Variants in DYNLT5 observed in about 807,000 individuals in gnomAD.
DYNLT5 encodes dynein light chain Tctex-type 5.
Under a neutral mutation model 19.3 loss-of-function variants are expected in DYNLT5, and 25 were observed. The observed-to-expected ratio is 1.30, with a 90% CI of 0.95 to 1.81. DYNLT5 has a LOEUF of 1.81. Among genes scored for constraint, DYNLT5 ranks in the 40% most tolerant of loss-of-function variants. DYNLT5 has a pLI of 0.00. For synonymous variants in DYNLT5, 82 were observed against 68.9 expected (o/e 1.19, Z -0.94); for missense variants, 232 against 217.9 (o/e 1.06, Z -0.41).
chr1:66,773,844 T>C (rs1157775898), intron 3 of DYNLT5, among the ~76,000 whole-genome samples: 2 of 151,850 alleles, frequency 1.3e-5, no homozygotes, highest in Admixed American at 1.3e-4. Flanking sequence ...AAAAAAAAAA[T>C]CTCGAGAAAG....
chr1:66,767,575 T>TTGATTTATGATTTA (rs1553201945), intron 2 of DYNLT5, among the ~76,000 whole-genome samples: 1 of 152,222 alleles, frequency 6.6e-6, no homozygotes, highest in Non-Finnish European at 1.5e-5. Context: ...TTATGATTTA[T>TTGATTTATGATTTA]TGATTACTTG....
chr1:66,776,362 G>A lies in DYNLT5; in HGVS notation c.295G>A (p.Glu99Lys), dbSNP rs1212779078. The A allele has an allele frequency of 4.3e-6, 7 of 1,612,880 alleles. No homozygotes were observed. Among genetic ancestry groups the A allele is most frequent in the Non-Finnish European group, 8.5e-7 (1 of 1,179,430 alleles). The change falls in exon 4 of 5, where the codon GAA (glutamate) becomes AAA (lysine). Residue 99 changes from glutamate to lysine, a missense_variant. Physicochemically the swap from Glu to Lys is moderately conservative, Grantham distance 56. Transcript: ENST00000282670. ...CAGCTATCTACAAGTAGAAGAATAT[G>A]AACCAGAGCTCTGTAGACAGATGAC... The part of the protein sequence containing the change: ...VTSYLQVEEY[E>K]PELCRQMTKT...
chr1:66,775,467 C>A (rs1234198877), intron 3 of DYNLT5: 2 of 152,178 alleles, frequency 1.3e-5, no homozygotes, highest in Admixed American at 1.3e-4. Flanking sequence ...AAATTTAATT[C>A]TATTTAAATT....
At chr1:66,762,284 T>C (rs745921738) in intron 2 of DYNLT5, among the ~76,000 whole-genome samples, 1 of 152,222 alleles carries the variant, frequency 6.6e-6, no homozygotes, top group Admixed American at 6.5e-5. Context: ...ATCTCAAACA[T>C]TTAGTATTTC....
chr1:66,772,449 C>T (rs1049610665), intron 3 of DYNLT5, among the ~76,000 whole-genome samples: 1 of 152,204 alleles, frequency 6.6e-6, no homozygotes, highest in Non-Finnish European at 1.5e-5. Flanking sequence ...GAGGGATCCA[C>T]CTTCCTGGCC....
At chr1:66,774,666 A>G (rs779120756) in intron 3 of DYNLT5, among the ~76,000 whole-genome samples, 2 of 151,174 alleles carry the variant, frequency 1.3e-5, no homozygotes, top group Non-Finnish European at 2.9e-5. Context: ...GCCTGGTTAC[A>G]TTCTTCAACC....
At chr1:66,763,916 T>C (rs1437134074) in intron 2 of DYNLT5, among the ~76,000 whole-genome samples, 1 of 152,210 alleles carries the variant, frequency 6.6e-6, no homozygotes, top group Admixed American at 6.5e-5. Flanking sequence ...GCAGGTGCAG[T>C]GGCTCACACC....
chr1:66,753,298 T>G (rs943487389), intron 1 of DYNLT5, among the ~76,000 whole-genome samples: 1 of 152,260 alleles, frequency 6.6e-6, no homozygotes, highest in Non-Finnish European at 1.5e-5. Flanking sequence ...TCTATTTTTA[T>G]GCTTTGGTGT....
intron 2 of DYNLT5, among the ~76,000 whole-genome samples, chr1:66,764,312 T>G (rs1050998195): frequency 1.3e-5 from 2 of 152,248 alleles, no homozygotes; most frequent in Non-Finnish European, 2.9e-5. Context: ...CTCACCACAC[T>G]TGGTTATTTC....
chr1:66,778,498 T>C lies in DYNLT5; in HGVS notation c.*1044T>C, dbSNP rs1645250425. ...TCTTTGTGTGCAAGTAAAATGATGT[T>C]GTGGCGTTGTTCTTGGATGGTAAGT... On this transcript the variant is annotated 3_prime_UTR_variant, in exon 5 of 5. Coordinates refer to ENST00000282670, the MANE Select transcript of DYNLT5 (RefSeq NM_152665.3). 6.6e-6 allele frequency: 1 copy of C among 152,638 alleles called. No homozygotes were observed. Among genetic ancestry groups the C allele is most frequent in the African/African-American group, 2.4e-5 (1 of 41,458 alleles). The allele number at this position is 152,638 out of a possible 1,614,324, so 9.5% of individuals were successfully genotyped here.
intron 2 of DYNLT5, among the ~76,000 whole-genome samples, chr1:66,766,148 A>T (rs1428801855): frequency 1.3e-5 from 2 of 152,156 alleles, no homozygotes; most frequent in South Asian, 2.1e-4. Context: ...ACGTTTTGCC[A>T]ATTGAATTTT....
Position 66,776,520 on chromosome 1 carries a change from T to C in DYNLT5, c.336+117T>C, listed in dbSNP as rs1645236029. ...TTTGCAGTAACAGTTAAAATGCGTATTTATAATTAGGTCATATTCTACATA... is the reference window on the plus strand; with the variant it reads ...TTTGCAGTAACAGTTAAAATGCGTACTTATAATTAGGTCATATTCTACATA... On this transcript the variant is annotated intron_variant, in intron 4 of 4. Coordinates refer to ENST00000282670, the MANE Select transcript of DYNLT5 (RefSeq NM_152665.3). 2.4e-6 allele frequency: 3 copies of C among 1,233,370 alleles called. No individual in the cohort carries two copies. The South Asian group carries it at 5.0e-5, about 21-fold the overall frequency. The allele number at this position is 1,233,370 out of a possible 1,614,324, so 76.4% of individuals were successfully genotyped here.
intron 2 of DYNLT5, among the ~76,000 whole-genome samples, chr1:66,758,348 C>G (rs1456664103): frequency 6.6e-6 from 1 of 152,180 alleles, no homozygotes; most frequent in Non-Finnish European, 1.5e-5. Flanking sequence ...AAAATGGAAA[C>G]AGAAGCTATG....
rs1355858084 is a variant in DYNLT5, at chr1:66,777,344, A to T, written c.430A>T (p.Ile144Phe). 6.2e-7 allele frequency: 1 copy of T among 1,613,950 alleles called. No homozygotes were observed. The highest frequency in any genetic ancestry group is 1.1e-5 in the South Asian group (1 of 91,076). Residue 144 changes from isoleucine to phenylalanine, a missense_variant, in exon 5 of 5, where the codon ATT (isoleucine) becomes TTT (phenylalanine). Transcript: ENST00000282670. ...IGQLNRQSIL[I>F]GSRCLWDPKS... ...ACAACTGAACAGGCAGAGCATACTT[A>T]TTGGAAGCAGATGCCTCTGGGATCC...
Position 66,766,882 on chromosome 1 carries a change from G to GGAA in DYNLT5, c.120-3505_120-3504insGAA, listed in dbSNP as rs1325805690. On this transcript the variant is annotated intron_variant, in intron 2 of 4. Coordinates refer to ENST00000282670, the MANE Select transcript of DYNLT5 (RefSeq NM_152665.3). Reference sequence around the variant, plus strand: ...TAGACTAATTATTTTACCTCTGCATGATAAGAATTTCCAGGCTTCACATGT... The same window carrying GGAA: ...TAGACTAATTATTTTACCTCTGCATGGAAATAAGAATTTCCAGGCTTCACATGT... 4.6e-5 allele frequency among the ~76,000 whole-genome samples: 7 copies of GGAA among 152,260 alleles called. No homozygotes were observed. The East Asian group carries it at 1.3e-3, about 29-fold the overall frequency.
At position 66,777,415 on chromosome 1, in the gene DYNLT5, CT is replaced by C; in HGVS notation, c.503del (p.Phe168SerfsTer14). 1 of 1,613,814 alleles carries C rather than the reference CT, an allele frequency of 6.2e-7. No homozygotes were observed. The highest frequency in any genetic ancestry group is 8.5e-7 in the Non-Finnish European group (1 of 1,179,836). ...CTTATGTTTTCAGAAATTCTTCTCT[CT>C]TCGCTCTTGCAAATGTCTATGCAGT... ...SSYVFRNSSL[F>X]ALANVYAVYL... On this transcript the variant is annotated frameshift_variant, in exon 5 of 5. Transcript: ENST00000282670. LOFTEE classifies it high-confidence loss of function.
At chr1:66,762,285 T>G (rs772162650) in intron 2 of DYNLT5, among the ~76,000 whole-genome samples, 3 of 152,206 alleles carry the variant, frequency 2.0e-5, no homozygotes, top group Non-Finnish European at 4.4e-5. Flanking sequence ...TCTCAAACAT[T>G]TAGTATTTCT....
intron 2 of DYNLT5, among the ~76,000 whole-genome samples, chr1:66,756,982 A>C (rs975825876): frequency 6.6e-5 from 10 of 152,200 alleles, no homozygotes; most frequent in African/African-American, 2.4e-4. Flanking sequence ...CTTTTTGGGA[A>C]GTGCTCTCTA....
intron 2 of DYNLT5, among the ~76,000 whole-genome samples, chr1:66,761,288 T>C (rs1353216295): frequency 6.6e-6 from 1 of 152,244 alleles, no homozygotes; most frequent in East Asian, 1.9e-4. Context: ...GTCTATTAAG[T>C]ATTCAATAGC....
Sources: gnomAD v4.1 joint callset for allele counts (sites outside exome capture counted in the v4.1 genomes callset) on GRCh38, gnomAD v4.1.1 for gene constraint, MANE v1.5 for transcripts, NCBI Gene and HGNC (gene_info 2026-07-23, HGNC 2026-07-21) for gene names.